KBTBD8: variants seen among roughly 807,000 people sequenced by gnomAD.
The protein encoded by KBTBD8 is kelch repeat and BTB domain-containing protein 8.
Under a neutral mutation model 53.5 loss-of-function variants are expected in KBTBD8, and 31 were observed. That is an observed-to-expected ratio of 0.58 (90% CI 0.44 to 0.78). The LOEUF is 0.78. KBTBD8 is among the 30% of genes least tolerant of loss of function. The probability of loss-of-function intolerance (pLI) is 0.00; values close to 1 mark genes in which losing one functional copy is unlikely to be tolerated. For synonymous variants in KBTBD8, 250 were observed against 247.3 expected, an observed-to-expected ratio of 1.01 and a Z score of -0.10; for missense variants, 642 against 735.8, an observed-to-expected ratio of 0.87 and a Z score of 1.48.
chr3:67,004,547 CT>C (rs1174569626), intron 3 of KBTBD8, among the ~76,000 whole-genome samples: 1 of 152,134 alleles, frequency 6.6e-6, no homozygotes, highest in South Asian at 2.1e-4. Context: ...GATTTTGTGT[CT>C]TGATATCATG....
At chr3:67,002,419 A>G (rs931053419) in intron 2 of KBTBD8, among the ~76,000 whole-genome samples, 3 of 152,064 alleles carry the variant, frequency 2.0e-5, no homozygotes, top group African/African-American at 7.2e-5. Context: ...TTTGGATACA[A>G]GTTGCCTTGT....
In KBTBD8 at chr3:67,004,054, T is replaced by C; in HGVS notation, c.1087T>C (p.Tyr363His). ...TAAGGCAGAAAATGATTTCTGGATG[T>C]ATGATCATTCCACCAATAGATGGCT... ...DHKAENDFWM[Y>H]DHSTNRWLSK... The change falls in exon 3 of 4, where the codon TAT (tyrosine) becomes CAT (histidine). Residue 363 changes from tyrosine to histidine, a missense_variant. By Grantham distance (83) the Tyr-to-His change is moderately conservative (BLOSUM62 2). Coordinates refer to ENST00000417314, the MANE Select transcript of KBTBD8 (RefSeq NM_032505.3). The C allele has an allele frequency of 6.2e-7, 1 of 1,614,230 alleles. No homozygotes were observed. Among genetic ancestry groups the C allele is most frequent in the Non-Finnish European group, 8.5e-7 (1 of 1,180,042 alleles).
intron 1 of KBTBD8, among the ~76,000 whole-genome samples, 167 bp downstream of exon 1, chr3:66,998,538 G>A (rs1246569860): frequency 6.6e-6 from 1 of 152,158 alleles, no homozygotes; most frequent in Non-Finnish European, 1.5e-5. Flanking sequence ...GAGGGCGGTG[G>A]GCGGTCCGGC....
In KBTBD8 at chr3:66,998,361, C is replaced by CA; in HGVS notation, c.6_7insA (p.Ala3SerfsTer7). 7.8e-7 allele frequency: 1 copy of CA among 1,279,588 alleles called. No homozygotes were observed. The highest frequency in any genetic ancestry group is 1.0e-6 in the Non-Finnish European group (1 of 1,004,218). 79.3% of individuals were successfully genotyped at this position (1,279,588 alleles called of 1,614,324 possible). The stretch of plus-strand genomic sequence containing the variant: ...AGTCGGGGCCCCATCGAGAAATGGC[C>CA]GCGTCGGCAGGTGGGTCGTGTGGTG... On this transcript the variant is annotated frameshift_variant, in exon 1 of 4. Transcript: ENST00000417314. LOFTEE classifies it high-confidence loss of function.
intron 3 of KBTBD8, among the ~76,000 whole-genome samples, 191 bp from the exon 4 acceptor site, chr3:67,007,731 G>T (rs1702080680): frequency 6.6e-6 from 1 of 152,036 alleles, no homozygotes; most frequent in Admixed American, 6.6e-5. Context: ...ATTGTGTCAT[G>T]GAATGACAAA....
intron 1 of KBTBD8, among the ~76,000 whole-genome samples, chr3:66,998,749 C>T (rs1701986674): frequency 1.3e-5 from 2 of 152,274 alleles, no homozygotes; most frequent in Admixed American, 6.5e-5. Flanking sequence ...CCGGGCTCGC[C>T]GGGCTCCGCA....
rs1351148648 is a variant in KBTBD8 at position 67,008,056 on chromosome 3, C to T, written c.1477C>T (p.His493Tyr). ...IYYIAGTCGNHQRMFTVEAYD... is the reference protein window; with the variant it reads ...IYYIAGTCGNYQRMFTVEAYD... ...CTACATAGCTGGAACCTGTGGAAAT[C>T]ATCAACGTATGTTTACTGTAGAAGC... Residue 493 changes from histidine (H) to tyrosine (Y), a missense_variant, in exon 4 of 4, where the codon CAT (histidine) becomes TAT (tyrosine). By Grantham distance (83) the His-to-Tyr change is moderately conservative. Transcript: ENST00000417314. 3.7e-6 allele frequency: 6 copies of T among 1,613,898 alleles called. No individual in the cohort carries two copies. The Admixed American group carries it at 1.0e-4, about 27-fold the overall frequency.
In KBTBD8 at chr3:67,010,434, G is replaced by T. The variant is rs767736425; in HGVS notation, c.*2049G>T. The T allele has an allele frequency of 1.3e-5, 2 of 152,528 alleles. No homozygotes were observed. The highest frequency in any genetic ancestry group is 2.9e-5 in the Non-Finnish European group (2 of 67,984). The allele number at this position is 152,528 out of a possible 1,614,324, so 9.4% of individuals were successfully genotyped here. A position where few individuals can be genotyped will look rare whatever the true frequency, so the allele number is the denominator to read the frequency against. On this transcript the variant is annotated 3_prime_UTR_variant, in exon 4 of 4. Transcript: ENST00000417314. Reference sequence around the variant, plus strand: ...TACATGGGCTGTATGTTATATAAGAGAATGACATACTGTGGCTAATTCAAC... The same window carrying T: ...TACATGGGCTGTATGTTATATAAGATAATGACATACTGTGGCTAATTCAAC...
At chr3:66,998,954 G>C in intron 1 of KBTBD8, 27 bp from the exon 2 acceptor site, 1 of 1,536,038 alleles carries the variant, frequency 6.5e-7, no homozygotes, top group Non-Finnish European at 8.9e-7. Context: ...GGCACTTCTT[G>C]TAGTTGTACG....
At chr3:67,002,676 A>G (rs1702028030) in intron 2 of KBTBD8, among the ~76,000 whole-genome samples, 1 of 151,512 alleles carries the variant, frequency 6.6e-6, no homozygotes, top group Admixed American at 6.6e-5. Flanking sequence ...CTAATTTTTT[A>G]TTTTAGTAGA....
chr3:67,002,512 C>CTTTTTTTTTTTTTTTTTTT (rs57174511), intron 2 of KBTBD8, among the ~76,000 whole-genome samples: 1 of 90,368 alleles, frequency 1.1e-5, no homozygotes. Context: ...TATAGGTATT[C>CTTTTTTTTTTTTTTTTTTT]TTTTTTTTTT....
At position 67,003,931 on chromosome 3, in the gene KBTBD8, A is replaced by G. The variant is rs1373389071; in HGVS notation, c.964A>G (p.Asn322Asp). The change falls in exon 3 of 4, where the codon AAT (asparagine) becomes GAT (aspartate). Residue 322 changes from asparagine (N) to aspartate (D), a missense_variant. Physicochemically the swap from Asn to Asp is conservative, Grantham distance 23. Coordinates refer to ENST00000417314, the MANE Select transcript of KBTBD8 (RefSeq NM_032505.3). ...GRVFKLCKPPNDLREVGILVS... is the reference protein window; with the variant it reads ...GRVFKLCKPPDDLREVGILVS... ...GGTGTTTAAACTATGCAAACCACCA[A>G]ATGACCTGAGAGAAGTTGGGATTCT... The G allele has an allele frequency of 5.0e-6, 8 of 1,614,020 alleles. No individual in the cohort carries two copies. Among genetic ancestry groups the G allele is most frequent in the South Asian group, 1.1e-5 (1 of 91,086 alleles).
intron 2 of KBTBD8, among the ~76,000 whole-genome samples, chr3:66,999,968 T>G (rs1417197455): frequency 6.6e-6 from 1 of 152,226 alleles, no homozygotes; most frequent in African/African-American, 2.4e-5. Flanking sequence ...TACTTTAAGA[T>G]GAGTGGAAAA....
intron 3 of KBTBD8, among the ~76,000 whole-genome samples, chr3:67,004,710 C>T (rs1211686072): frequency 1.3e-5 from 2 of 152,088 alleles, no homozygotes; most frequent in Non-Finnish European, 2.9e-5. Context: ...GTTGTAGCAA[C>T]TGGTATTCTG....
intron 3 of KBTBD8, among the ~76,000 whole-genome samples, chr3:67,006,042 T>A (rs1490214994): frequency 6.6e-6 from 1 of 152,220 alleles, no homozygotes; most frequent in Non-Finnish European, 1.5e-5. Context: ...GAAGGAGTTG[T>A]ACTCTCTGGT....
Position 67,004,285 on chromosome 3 carries a change from A to C in KBTBD8, c.1318A>C (p.Lys440Gln). The C allele has an allele frequency of 1.2e-6, 2 of 1,613,958 alleles. No homozygotes were observed. The highest frequency in any genetic ancestry group is 2.2e-5 in the South Asian group (2 of 91,088). ...AMEFHNAVEY[K>Q]EKIYVLQGEF... is the part of the protein sequence containing the mutation. ...GGAATTTCATAATGCTGTGGAGTAC[A>C]AAGAGAAGATCTATGTTTTACAGGG... is the stretch of plus-strand genomic sequence containing the variant. The change falls in exon 3 of 4, where the codon AAA becomes CAA. Residue 440 changes from lysine (K) to glutamine (Q), a missense_variant. By Grantham distance (53) the Lys-to-Gln change is moderately conservative. Coordinates refer to ENST00000417314, the MANE Select transcript of KBTBD8 (RefSeq NM_032505.3).
chr3:67,005,133 C>A (rs1702054223), intron 3 of KBTBD8, among the ~76,000 whole-genome samples: 1 of 152,060 alleles, frequency 6.6e-6, no homozygotes, highest in Non-Finnish European at 1.5e-5. Flanking sequence ...AACTATTTTC[C>A]TTTTATTTGG....
chr3:67,005,006 T>C (rs1017548447), intron 3 of KBTBD8, among the ~76,000 whole-genome samples: 1 of 152,222 alleles, frequency 6.6e-6, no homozygotes, highest in African/African-American at 2.4e-5. Flanking sequence ...TGTTTTGTTT[T>C]GTTTTCTGTT....
Position 66,999,101 on chromosome 3 carries a change from G to A in KBTBD8, c.137G>A (p.Gly46Glu). 5.0e-6 allele frequency: 8 copies of A among 1,614,156 alleles called. No homozygotes were observed. Among genetic ancestry groups the A allele is most frequent in the Non-Finnish European group, 5.9e-6 (7 of 1,180,048 alleles). The change falls in exon 2 of 4, where the codon GGA becomes GAA. Residue 46 changes from glycine (G) to glutamate (E), a missense_variant. By Grantham distance (98) the Gly-to-Glu change is moderately conservative. Transcript: ENST00000417314. ...LKQLKTMYDE[G>E]QLTDIVVEVD... ...CAACTCAAAACAATGTACGATGAAG[G>A]ACAGTTGACAGACATTGTAGTGGAA...
Sources: gnomAD v4.1 joint callset for allele counts (sites outside exome capture counted in the v4.1 genomes callset) on GRCh38, gnomAD v4.1.1 for gene constraint, MANE v1.5 for transcripts, NCBI Gene and HGNC (gene_info 2026-07-23, HGNC 2026-07-21) for gene names.